Variants in FAT2 observed in about 807,000 individuals in gnomAD.
FAT2 encodes protocadherin Fat 2.
FAT2 carries 150 observed loss-of-function variants against 295.3 expected under a neutral mutation model. The ratio of observed to expected loss-of-function variants is 0.51; its 90% confidence interval spans 0.44 to 0.58. The LOEUF (loss-of-function observed/expected upper bound fraction) is 0.58, where lower values mean the gene tolerates loss of function less well. FAT2 is among the 20% of genes least tolerant of loss of function. The pLI is 0.00. For synonymous variants in FAT2, 2,026 were observed against 2,150.3 expected, an observed-to-expected ratio of 0.94 and a Z score of 1.60; for missense variants, 4,868 against 5,442.7, an observed-to-expected ratio of 0.89 and a Z score of 3.32.
At position 151,567,457 on chromosome 5, in the gene FAT2, T is replaced by C. The variant is rs778494702; in HGVS notation, c.1475A>G (p.Tyr492Cys). The C allele has an allele frequency of 1.9e-6, 3 of 1,614,020 alleles. No individual in the cohort carries two copies. Among genetic ancestry groups the C allele is most frequent in the Admixed American group, 3.3e-5 (2 of 60,014 alleles). The change falls in exon 2 of 24, where the codon TAT (tyrosine) becomes TGT (cysteine). Residue 492 changes from tyrosine (Y) to cysteine (C), a missense_variant. Around this residue, in one of 5 missense-constraint regions of FAT2, gnomAD observed 3,297 missense variants for 3,669.4 expected, o/e 0.90. Coordinates refer to ENST00000261800, the MANE Select transcript of FAT2 (RefSeq NM_001447.3). Reference protein sequence around the residue: ...ATDRDHGENGYVTYSIAGPKA... With the variant: ...ATDRDHGENGCVTYSIAGPKA... ...TGGTCCAGCAATGGAATAGGTGACA[T>C]ATCCATTTTCCCCATGATCCCGGTC... is the stretch of plus-strand genomic sequence containing the variant.
intron 8 of FAT2, 72 bp from the exon 9 acceptor site, chr5:151,549,577 A>T: frequency 8.0e-7 from 1 of 1,244,662 alleles, no homozygotes. Flanking sequence ...GGTAAGGTTA[A>T]TGAACTAGAA....
chr5:151,510,234 G>A lies in FAT2; in HGVS notation c.11906-60C>T, dbSNP rs1366925108. ...TGGCCTAGCAGTTAAAGGAGACCTG[G>A]CATTGGCAGACTGGTGTGTTTGTGC... On this transcript the variant is annotated intron_variant, in intron 21 of 23. Coordinates refer to ENST00000261800, the MANE Select transcript of FAT2 (RefSeq NM_001447.3). The A allele has an allele frequency of 6.4e-5, 100 of 1,570,076 alleles. 1 individual carries two copies. In the South Asian group the frequency reaches 1.1e-3, roughly 17 times the overall value.
chr5:151,569,907 C>T (rs375890445), intron 1 of FAT2, among the ~76,000 whole-genome samples: 135 of 152,374 alleles, frequency 8.9e-4, no homozygotes, highest in South Asian at 2.9e-3. Flanking sequence ...TGGCTGTCAG[C>T]CCTGCCTCTG....
At chr5:151,553,063 G>T (rs1487785921) in intron 6 of FAT2, 114 bp downstream of exon 6, 5 of 1,018,622 alleles carry the variant, frequency 4.9e-6, no homozygotes, top group African/African-American at 1.6e-5. Flanking sequence ...TGAAAGAGGG[G>T]CTGCCGAGGA....
rs767327759 is a variant in FAT2, at chr5:151,525,868, C to T, written c.10406G>A (p.Gly3469Glu). The change falls in exon 18 of 24, where the codon GGG becomes GAG. Residue 3469 changes from glycine to glutamate, a missense_variant. By Grantham distance (98) the Gly-to-Glu change is moderately conservative (BLOSUM62 -2). Coordinates refer to ENST00000261800, the MANE Select transcript of FAT2 (RefSeq NM_001447.3). Reference protein sequence around the residue: ...GPPYSFRITKGNNGSAFRVTP... With the variant: ...GPPYSFRITKENNGSAFRVTP... The stretch of plus-strand genomic sequence containing the variant: ...CACTCGGAAGGCAGAGCCGTTGTTC[C>T]CCTTGGTGATTCGAAACGAGTAGGG... The T allele has an allele frequency of 6.2e-7, 1 of 1,614,074 alleles. No homozygotes were observed. Among genetic ancestry groups the T allele is most frequent in the Non-Finnish European group, 8.5e-7 (1 of 1,179,982 alleles).
Position 151,505,375 on chromosome 5 carries a change from T to G in FAT2, c.*190A>C. 1 of 672,108 alleles carries G rather than the reference T, an allele frequency of 1.5e-6. No homozygotes were observed. The highest frequency in any genetic ancestry group is 2.5e-6 in the Non-Finnish European group (1 of 400,006). The allele number at this position is 672,108 out of a possible 1,614,324, so 41.6% of individuals were successfully genotyped here. ...CCCTAGTGCTGTTTCTGGAGCTCTA[T>G]CCTCAGCTTCCCTCCACCCTCAGGG... On this transcript the variant is annotated 3_prime_UTR_variant, in exon 24 of 24. Transcript: ENST00000261800.
rs150814456 is a variant in FAT2, at chr5:151,530,884, T to C, written c.9811+703A>G. Among the ~76,000 whole-genome samples the C allele has an allele frequency of 1.6e-4, 25 of 152,300 alleles. No homozygotes were observed. In the East Asian group the frequency reaches 4.4e-3, roughly 27 times the overall value. ...CACAGGGCTCATTGTACTATTCTAT[T>C]TTTTAATATGTTCAAAATCTCCATG... On this transcript the variant is annotated intron_variant, in intron 14 of 23. Coordinates refer to ENST00000261800, the MANE Select transcript of FAT2 (RefSeq NM_001447.3).
chr5:151,584,762 T>C (rs991651728), intron 1 of FAT2, among the ~76,000 whole-genome samples: 5 of 152,242 alleles, frequency 3.3e-5, no homozygotes, highest in African/African-American at 1.2e-4. Context: ...CCAAGGTCAA[T>C]GGCCAGTCAG....
chr5:151,576,941 T>C (rs1758771193), intron 1 of FAT2, among the ~76,000 whole-genome samples: 1 of 152,182 alleles, frequency 6.6e-6, no homozygotes, highest in African/African-American at 2.4e-5. Context: ...CCTACTCTAC[T>C]GAATACTGTA....
At chr5:151,527,907 G>A (rs1285383715) in intron 16 of FAT2, 89 bp downstream of exon 16, 1 of 1,519,194 alleles carries the variant, frequency 6.6e-7, no homozygotes, top group East Asian at 2.3e-5. Flanking sequence ...TCAGGATGGG[G>A]TCTTGACAGC....
Position 151,507,190 on chromosome 5 carries a change from G to T in FAT2, c.12481C>A (p.Pro4161Thr). Residue 4161 changes from proline (P) to threonine (T), a missense_variant, in exon 23 of 24, where the codon CCT (proline) becomes ACT (threonine). Physicochemically the swap from Pro to Thr is conservative, Grantham distance 38. Around this residue, in one of 5 missense-constraint regions of FAT2, gnomAD observed 492 missense variants for 482.6 expected, o/e 1.02. Transcript: ENST00000261800. ...AAVPSHSDNE[P>T]VIKRTWSSEE... is the part of the protein sequence containing the mutation. ...CTGGACCAGGTTCTCTTAATGACAGGCTCATTGTCAGAGTGGGAAGGGACC... is the reference window on the plus strand; with the variant it reads ...CTGGACCAGGTTCTCTTAATGACAGTCTCATTGTCAGAGTGGGAAGGGACC... 1 of 1,605,108 alleles carries T rather than the reference G, an allele frequency of 6.2e-7. No individual in the cohort carries two copies. The highest frequency in any genetic ancestry group is 1.1e-5 in the South Asian group (1 of 89,302).
chr5:151,559,003 T>C (rs1475531719), intron 3 of FAT2, among the ~76,000 whole-genome samples: 2 of 152,254 alleles, frequency 1.3e-5, no homozygotes, highest in African/African-American at 4.8e-5. Flanking sequence ...ACTTTCACTT[T>C]CTTGATCTTG....
At position 151,528,004 on chromosome 5, in the gene FAT2, G is replaced by A. The variant is rs375093583; in HGVS notation, c.10156C>T (p.Arg3386Trp). Residue 3386 changes from arginine to tryptophan, a missense_variant, in exon 16 of 24, where the codon CGG becomes TGG. Arg to Trp is a moderately radical substitution (Grantham distance 101). Transcript: ENST00000261800. ...GELQVAKALDREQASSYSLKL... is the reference protein window; with the variant it reads ...GELQVAKALDWEQASSYSLKL... ...CCTCCCACATGACTCACCTGTTCCC[G>A]GTCCAGGGCCTTGGCCACCTGTAGC... 144 of 1,613,938 alleles carry A rather than the reference G, an allele frequency of 8.9e-5. No individual in the cohort carries two copies. Among genetic ancestry groups the A allele is most frequent in the Admixed American group, 1.2e-4 (7 of 60,002 alleles).
At chr5:151,569,152 A>G (rs936529577) in intron 1 of FAT2, among the ~76,000 whole-genome samples, 68 of 152,138 alleles carry the variant, frequency 4.5e-4, no homozygotes, top group African/African-American at 1.5e-3. Flanking sequence ...ACAACCTACA[A>G]TGCATAGGAC....
intron 20 of FAT2, among the ~76,000 whole-genome samples, chr5:151,513,156 G>A (rs1002406135): frequency 2.0e-5 from 3 of 152,338 alleles, no homozygotes; most frequent in African/African-American, 7.2e-5. Flanking sequence ...GATGAATGCA[G>A]AAGTAAATAT....
At chr5:151,561,237 G>A (rs1377895030) in intron 3 of FAT2, among the ~76,000 whole-genome samples, 2 of 152,244 alleles carry the variant, frequency 1.3e-5, no homozygotes, top group Non-Finnish European at 2.9e-5. Flanking sequence ...AATGGCACAT[G>A]CAAAGTCCTG....
chr5:151,592,029 T>G (rs1215434887), upstream of FAT2, among the ~76,000 whole-genome samples: 2 of 152,188 alleles, frequency 1.3e-5, no homozygotes, highest in African/African-American at 4.8e-5. Flanking sequence ...AATACCTGCT[T>G]CATAAGGTTG....
At chr5:151,549,841 G>A (rs1757013217) in intron 8 of FAT2, among the ~76,000 whole-genome samples, 1 of 152,132 alleles carries the variant, frequency 6.6e-6, no homozygotes. Flanking sequence ...AAAATTATAT[G>A]GTCACATAAA....
chr5:151,512,619 T>C lies in FAT2; in HGVS notation c.11464-13A>G, dbSNP rs114246360. The C allele has an allele frequency of 2.5e-3, 3,940 of 1,581,730 alleles. 91 individuals are homozygous for C. In the African/African-American group the frequency reaches 0.045, roughly 18 times the overall value. On this transcript the variant is annotated splice_polypyrimidine_tract_variant and intron_variant, in intron 20 of 23. Transcript: ENST00000261800. This position sits in a 1 kb window ranked among gnomAD's most constrained non-coding sequence, Gnocchi z 4.1. ...CTCCACTGGCCAGCTGCAAAGGAAA[T>C]CCAAACAGCCATCAGCAAAGCCAAG...
Sources: allele counts gnomAD v4.1 joint callset (sites outside exome capture counted in the v4.1 genomes callset), GRCh38; gene constraint gnomAD v4.1.1; regional missense constraint gnomAD v4.1.1; non-coding constraint Gnocchi (gnomAD v3.1); transcripts MANE v1.5; gene names NCBI Gene and HGNC (gene_info 2026-07-23, HGNC 2026-07-21).